The following ARHGAP10 variants were observed in gnomAD, a reference collection of about 807,000 sequenced individuals.
The protein encoded by ARHGAP10 is Rho GTPase activating protein 10.
Under a neutral mutation model 108.6 loss-of-function variants are expected in ARHGAP10, and 87 were observed. The observed-to-expected ratio is 0.80, with a 90% CI of 0.67 to 0.96. The LOEUF is 0.96. Among genes scored for constraint, ARHGAP10 ranks in the 40% least tolerant of loss-of-function variants. The pLI is 0.00. For synonymous variants in ARHGAP10, 347 were observed against 341.1 expected (o/e 1.02, Z -0.19); for missense variants, 939 against 954.5 (o/e 0.98, Z 0.21).
chr4:147,782,633 G>A (rs1026312652), intron 1 of ARHGAP10: 2 of 151,294 alleles, frequency 1.3e-5, no homozygotes, highest in Admixed American at 1.3e-4. Context: ...GTCCTGAGAT[G>A]CAGGGACTGG....
intron 19 of ARHGAP10, among the ~76,000 whole-genome samples, chr4:148,030,005 A>G (rs889557782): frequency 4.3e-5 from 5 of 117,468 alleles, no homozygotes; most frequent in Non-Finnish European, 8.8e-5. Context: ...CCCCCCCCCC[A>G]CCAACCCCAA....
intron 19 of ARHGAP10, among the ~76,000 whole-genome samples, chr4:148,039,346 A>G (rs1473952573): frequency 8.0e-6 from 1 of 124,414 alleles, no homozygotes; most frequent in East Asian, 2.3e-4. Context: ...TTTTTCTTTA[A>G]TACTTTAAGA....
chr4:147,949,663 A>G, intron 15 of ARHGAP10, among the ~76,000 whole-genome samples: 1 of 152,156 alleles, frequency 6.6e-6, no homozygotes, highest in East Asian at 1.9e-4. Flanking sequence ...TAAACATATA[A>G]TGAATTGCAC....
intron 12 of ARHGAP10, among the ~76,000 whole-genome samples, chr4:147,912,347 C>A (rs1255675451): frequency 6.6e-6 from 1 of 151,298 alleles, no homozygotes; most frequent in Non-Finnish European, 1.5e-5. Flanking sequence ...CAAGACCAGC[C>A]TGGCCAACAT....
intron 19 of ARHGAP10, among the ~76,000 whole-genome samples, chr4:148,030,641 C>G (rs1386593816): frequency 6.6e-6 from 1 of 152,182 alleles, no homozygotes; most frequent in East Asian, 1.9e-4. Flanking sequence ...TTCATTTTTA[C>G]TTACTGAATT....
intron 1 of ARHGAP10, among the ~76,000 whole-genome samples, chr4:147,776,368 C>T (rs879928507): frequency 7.9e-5 from 12 of 152,108 alleles, no homozygotes; most frequent in South Asian, 2.1e-4. Context: ...TACAGGAACG[C>T]GTCACCACAC....
chr4:148,034,888 A>G (rs895579541), intron 19 of ARHGAP10, among the ~76,000 whole-genome samples: 3 of 152,232 alleles, frequency 2.0e-5, no homozygotes, highest in African/African-American at 4.8e-5. Context: ...TTATATGGGC[A>G]AAAATTTTAG....
Position 148,030,000 on chromosome 4 carries a change from C to A in ARHGAP10, c.1867+6587C>A, listed in dbSNP as rs1017044140. Among the ~76,000 whole-genome samples, 13 of 151,392 alleles carry A rather than the reference C, an allele frequency of 8.6e-5. 1 individual carries two copies. The highest frequency in any genetic ancestry group is 3.2e-4 in the African/African-American group (13 of 40,892). On this transcript the variant is annotated intron_variant, in intron 19 of 22. Coordinates refer to ENST00000336498, the MANE Select transcript of ARHGAP10 (RefSeq NM_024605.4). ...CCTCCCGTGAGGCTCAGCATCCCCC[C>A]CCCCACCAACCCCAATGCTAGTGAC...
chr4:148,002,284 G>C (rs925826694), intron 18 of ARHGAP10, among the ~76,000 whole-genome samples: 13 of 152,132 alleles, frequency 8.5e-5, no homozygotes, highest in African/African-American at 3.1e-4. Context: ...TGGTGGATAA[G>C]CTTTTTGATG....
At chr4:148,067,602 TA>T (rs2149693725) in intron 22 of ARHGAP10, among the ~76,000 whole-genome samples, 1 of 152,378 alleles carries the variant, frequency 6.6e-6, no homozygotes, top group South Asian at 2.1e-4. Context: ...TGTGTTCACT[TA>T]TCCATTTGGA....
At chr4:147,936,577 C>T (rs1481222183) in intron 13 of ARHGAP10, among the ~76,000 whole-genome samples, 1 of 152,048 alleles carries the variant, frequency 6.6e-6, no homozygotes, top group Non-Finnish European at 1.5e-5. Context: ...GATCCACCCG[C>T]CTCGGCCTCC....
intron 1 of ARHGAP10, among the ~76,000 whole-genome samples, chr4:147,798,724 A>T (rs6811189): frequency 0.034 from 2,921 of 85,574 alleles, 481 homozygotes; most frequent in African/African-American, 0.17. Flanking sequence ...AGTTTGAGAC[A>T]CTCTCTCTCT....
chr4:147,742,367 A>G (rs1025865847), intron 1 of ARHGAP10, among the ~76,000 whole-genome samples: 2 of 150,966 alleles, frequency 1.3e-5, no homozygotes, highest in Non-Finnish European at 2.9e-5. Context: ...TGGCTATGGT[A>G]GGTGCCTATT....
intron 4 of ARHGAP10, among the ~76,000 whole-genome samples, chr4:147,853,453 G>A (rs2126826637): frequency 6.6e-6 from 1 of 152,020 alleles, no homozygotes; most frequent in African/African-American, 2.4e-5. Flanking sequence ...TAAACAATTG[G>A]AAAATAAAGA....
intron 3 of ARHGAP10, among the ~76,000 whole-genome samples, chr4:147,842,879 A>G (rs562877243): frequency 1.3e-5 from 2 of 152,350 alleles, no homozygotes; most frequent in Non-Finnish European, 2.9e-5. Flanking sequence ...AATAAGGCAG[A>G]TGATAACTTC....
At chr4:147,750,116 G>C (rs1182152071) in intron 1 of ARHGAP10, among the ~76,000 whole-genome samples, 2 of 152,130 alleles carry the variant, frequency 1.3e-5, no homozygotes, top group Admixed American at 1.3e-4. Context: ...TGTATTTTTT[G>C]ACCTTAAAAT....
chr4:148,046,950 C>T lies in ARHGAP10; in HGVS notation c.1926C>T (p.Ser642=), dbSNP rs755735632. 15 of 1,614,058 alleles carry T rather than the reference C, an allele frequency of 9.3e-6. No homozygotes were observed. The South Asian group carries it at 1.3e-4, about 14-fold the overall frequency. ...DTPTSSLDSL[S]SPSPVTTAVP... ...CTACCAGCAGTCTGGACTCACTTTC[C>T]TCCCCGTCTCCCGTGACTACAGCTG... Residue 642 remains serine (S), a synonymous_variant, in exon 20 of 23, where the codon TCC becomes TCT. Transcript: ENST00000336498.
intron 19 of ARHGAP10, among the ~76,000 whole-genome samples, chr4:148,032,234 G>A (rs965627487): frequency 6.7e-6 from 1 of 149,138 alleles, no homozygotes; most frequent in African/African-American, 2.5e-5. Flanking sequence ...GCGTCTGCAA[G>A]CCAGATCTGT....
At chr4:147,855,631 A>G (rs540570932) in intron 4 of ARHGAP10, among the ~76,000 whole-genome samples, 2 of 152,082 alleles carry the variant, frequency 1.3e-5, no homozygotes, top group South Asian at 2.1e-4. Flanking sequence ...CAGTTAAAGA[A>G]AAGTCCCTGA....
Sources: gnomAD v4.1 joint callset for allele counts (sites outside exome capture counted in the v4.1 genomes callset) on GRCh38, gnomAD v4.1.1 for gene constraint, MANE v1.5 for transcripts, NCBI Gene and HGNC (gene_info 2026-07-23, HGNC 2026-07-21) for gene names.